The following PARD3B variants were observed in gnomAD, a reference collection of about 807,000 sequenced individuals.
PARD3B encodes the protein par-3 family cell polarity regulator beta, also known as partitioning defective 3 homolog B.
In PARD3B, 103 loss-of-function variants were observed where a neutral mutation model predicts 130.2. That is an observed-to-expected ratio of 0.79 (90% CI 0.67 to 0.93). PARD3B has a LOEUF of 0.93. Ranked by LOEUF, PARD3B falls within the 40% of genes least tolerant of loss-of-function variation. The pLI is 0.00. For missense variants in PARD3B, 1,609 were observed against 1,499.2 expected (o/e 1.07, Z -1.21); for synonymous variants, 583 against 553.2 (o/e 1.05, Z -0.76).
At chr2:205,527,690 C>T (rs889303496) in intron 21 of PARD3B, among the ~76,000 whole-genome samples, 2 of 152,186 alleles carry the variant, frequency 1.3e-5, no homozygotes, top group Admixed American at 1.3e-4. Flanking sequence ...ACCTCCCCTG[C>T]AGCCTCCTTT....
chr2:204,853,111 CTA>C (rs1490786861), intron 2 of PARD3B, among the ~76,000 whole-genome samples: 5 of 151,866 alleles, frequency 3.3e-5, no homozygotes, highest in South Asian at 2.1e-4. Context: ...TTCCTTATAA[CTA>C]TTTTTTTAAT....
intron 3 of PARD3B, among the ~76,000 whole-genome samples, chr2:205,026,934 C>A (rs1051187260): frequency 6.6e-6 from 1 of 151,990 alleles, no homozygotes; most frequent in Non-Finnish European, 1.5e-5. Context: ...CAGTGGACAC[C>A]GAGGTTGTTA....
At chr2:205,031,487 A>G (rs1394742503) in intron 3 of PARD3B, among the ~76,000 whole-genome samples, 3 of 152,306 alleles carry the variant, frequency 2.0e-5, no homozygotes, top group Middle Eastern at 3.4e-3. Flanking sequence ...CTCAGGAACC[A>G]TTTGACAAGT....
chr2:205,087,952 A>G (rs1031594147), intron 4 of PARD3B, among the ~76,000 whole-genome samples: 3 of 152,234 alleles, frequency 2.0e-5, no homozygotes, highest in African/African-American at 7.2e-5. Context: ...CTAATGTGAC[A>G]GTGTAATCAT....
chr2:205,161,196 G>A (rs912255001), intron 11 of PARD3B, among the ~76,000 whole-genome samples: 8 of 152,082 alleles, frequency 5.3e-5, no homozygotes, highest in African/African-American at 1.9e-4. Flanking sequence ...AGATATTGGC[G>A]AGCAGGTTTA....
chr2:204,924,975 T>C (rs1254888307), intron 2 of PARD3B, among the ~76,000 whole-genome samples: 3 of 150,476 alleles, frequency 2.0e-5, no homozygotes, highest in Non-Finnish European at 4.5e-5. Flanking sequence ...ACACACGCAA[T>C]CTGATATATA....
At chr2:205,565,846 C>G (rs985029752) in intron 22 of PARD3B, among the ~76,000 whole-genome samples, 1 of 148,124 alleles carries the variant, frequency 6.8e-6, no homozygotes, top group African/African-American at 2.5e-5. Flanking sequence ...AGTTTATACT[C>G]TAGTGGAGAA....
intron 2 of PARD3B, among the ~76,000 whole-genome samples, chr2:204,929,270 G>T (rs775840899): frequency 7.2e-5 from 11 of 152,124 alleles, no homozygotes; most frequent in Non-Finnish European, 1.3e-4. Context: ...AGTGTTCACT[G>T]CTAGTTGAAT....
chr2:204,601,223 T>A (rs976510781), intron 1 of PARD3B, among the ~76,000 whole-genome samples: 2 of 151,916 alleles, frequency 1.3e-5, no homozygotes, highest in African/African-American at 4.8e-5. Flanking sequence ...CTAATAAGGA[T>A]TAGTTGGAGA....
At chr2:204,952,625 C>A (rs756116412) in intron 2 of PARD3B, among the ~76,000 whole-genome samples, 68 of 151,974 alleles carry the variant, frequency 4.5e-4, no homozygotes, top group Non-Finnish European at 1.6e-4. Flanking sequence ...ATAAGAAACA[C>A]TAAAAACAAA....
intron 22 of PARD3B, among the ~76,000 whole-genome samples, chr2:205,579,497 C>T (rs1005223960): frequency 6.6e-6 from 1 of 152,156 alleles, no homozygotes; most frequent in African/African-American, 2.4e-5. Context: ...CACCAGAGGC[C>T]GGCAAGCTAT....
intron 21 of PARD3B, among the ~76,000 whole-genome samples, chr2:205,548,915 T>C (rs2052495756): frequency 6.6e-6 from 1 of 151,930 alleles, no homozygotes; most frequent in African/African-American, 2.4e-5. Flanking sequence ...ATCTTAAAAC[T>C]CAACAAGAAA....
At chr2:205,192,326 G>T (rs2036440873) in intron 14 of PARD3B, among the ~76,000 whole-genome samples, 1 of 152,080 alleles carries the variant, frequency 6.6e-6, no homozygotes, top group African/African-American at 2.4e-5. Context: ...AAGGATACAT[G>T]ATTTGGATTT....
intron 2 of PARD3B, among the ~76,000 whole-genome samples, chr2:204,849,871 A>G (rs2044637550): frequency 6.6e-6 from 1 of 152,162 alleles, no homozygotes; most frequent in African/African-American, 2.4e-5. Context: ...TTATAGAAGG[A>G]TAAGTAAATT....
intron 16 of PARD3B, among the ~76,000 whole-genome samples, chr2:205,270,502 G>A (rs1334165144): frequency 2.0e-5 from 3 of 151,924 alleles, no homozygotes; most frequent in African/African-American, 7.3e-5. Context: ...GGGAGGCGGA[G>A]GTTGCAGTGA....
intron 3 of PARD3B, among the ~76,000 whole-genome samples, chr2:205,035,828 T>TATATATATATATAGTGGG (rs1559374303): frequency 2.3e-3 from 18 of 7,966 alleles, no homozygotes; most frequent in African/African-American, 6.0e-3. Flanking sequence ...TATCTATATA[T>TATATATATATATAGTGGG]CTATATATAT....
chr2:204,646,462 A>G (rs2035277488), intron 1 of PARD3B, among the ~76,000 whole-genome samples: 1 of 152,008 alleles, frequency 6.6e-6, no homozygotes, highest in Non-Finnish European at 1.5e-5. Context: ...GTGAAGCTGT[A>G]GGTTGTTAGT....
At chr2:205,297,938 A>T (rs1207432) in intron 16 of PARD3B, among the ~76,000 whole-genome samples, 126,664 of 152,168 alleles carry the variant, frequency 0.83, 52,981 homozygotes, top group South Asian at 0.9. Flanking sequence ...AAAATCCATG[A>T]ATCCTTAATG....
intron 18 of PARD3B, among the ~76,000 whole-genome samples, chr2:205,394,788 T>C (rs2045968933): frequency 1.3e-5 from 2 of 152,176 alleles, no homozygotes; most frequent in South Asian, 4.1e-4. Flanking sequence ...TCACATAGAA[T>C]AGCCAAATTC....
Sources: gnomAD v4.1 joint callset for allele counts (sites outside exome capture counted in the v4.1 genomes callset) on GRCh38, gnomAD v4.1.1 for gene constraint, MANE v1.5 for transcripts, NCBI Gene and HGNC (gene_info 2026-07-23, HGNC 2026-07-21) for gene names.